The following KCND2 variants were observed in gnomAD, a reference collection of about 807,000 sequenced individuals.
The protein encoded by KCND2 is A-type voltage-gated potassium channel KCND2.
A neutral mutation model predicts 54.4 loss-of-function variants in KCND2; 16 were observed. The ratio of observed to expected loss-of-function variants is 0.29; its 90% confidence interval spans 0.20 to 0.45. KCND2 has a LOEUF of 0.45. Among genes scored for constraint, KCND2 ranks in the 20% least tolerant of loss-of-function variants. KCND2 has a pLI of 1.00. For synonymous variants in KCND2, 317 were observed against 310.7 expected, an observed-to-expected ratio of 1.02 and a Z score of -0.21; for missense variants, 486 against 824.2, an observed-to-expected ratio of 0.59 and a Z score of 5.02.
chr7:120,605,852 T>C (rs1792875466), intron 1 of KCND2, among the ~76,000 whole-genome samples: 1 of 152,228 alleles, frequency 6.6e-6, no homozygotes. Flanking sequence ...TAATTGGCCA[T>C]TTGTATTGAT....
rs189482684 is a variant in KCND2, at chr7:120,533,538, C to T, written c.1116-199365C>T. Among the ~76,000 whole-genome samples the T allele has an allele frequency of 9.9e-5, 15 of 152,170 alleles. No homozygotes were observed. The East Asian group carries it at 2.9e-3, about 29-fold the overall frequency. On this transcript the variant is annotated intron_variant, in intron 1 of 5. Transcript: ENST00000331113. Reference sequence around the variant, plus strand: ...CATCTGGCTCAGAGCTCTACATGCTCTTGTTAATGGTGGTACTGCTCTTAA... The same window carrying T: ...CATCTGGCTCAGAGCTCTACATGCTTTTGTTAATGGTGGTACTGCTCTTAA...
chr7:120,697,896 G>A (rs567624988), intron 1 of KCND2, among the ~76,000 whole-genome samples: 7 of 151,996 alleles, frequency 4.6e-5, no homozygotes, highest in Non-Finnish European at 8.8e-5. Flanking sequence ...TCACCCAATC[G>A]TGGTCATAGA....
At position 120,351,244 on chromosome 7, in the gene KCND2, G is replaced by GTGTATATA. The variant is rs376321316; in HGVS notation, c.1115+75498_1115+75499insGTATATAT. ...CATCATATTATATATTTATATGTGTGTATATATATATATATATATATATCC... is the reference window on the plus strand; with the variant it reads ...CATCATATTATATATTTATATGTGTGTGTATATATATATATATATATATATATATATCC... On this transcript the variant is annotated intron_variant, in intron 1 of 5. Transcript: ENST00000331113. Among the ~76,000 whole-genome samples, 942 of 137,340 alleles carry GTGTATATA rather than the reference G, an allele frequency of 6.9e-3. 14 individuals are homozygous for GTGTATATA. The highest frequency in any genetic ancestry group is 0.01 in the Non-Finnish European group (667 of 65,014). 90.1% of individuals were successfully genotyped at this position (137,340 alleles called of 152,430 possible). A position where few individuals can be genotyped will look rare whatever the true frequency, so the allele number is the denominator to read the frequency against.
At chr7:120,639,896 A>C (rs1161225676) in intron 1 of KCND2, among the ~76,000 whole-genome samples, 1 of 151,784 alleles carries the variant, frequency 6.6e-6, no homozygotes, top group Non-Finnish European at 1.5e-5. Flanking sequence ...CCCATTGTAC[A>C]TTTTCTATTT....
At chr7:120,310,135 A>C (rs1463775589) in intron 1 of KCND2, among the ~76,000 whole-genome samples, 2 of 152,180 alleles carry the variant, frequency 1.3e-5, no homozygotes, top group Admixed American at 1.3e-4. Context: ...CTCCTGAGAG[A>C]GGGGATGGGA....
chr7:120,477,292 T>TA (rs1369932429), intron 1 of KCND2, among the ~76,000 whole-genome samples: 1 of 152,118 alleles, frequency 6.6e-6, no homozygotes, highest in African/African-American at 2.4e-5. Flanking sequence ...CTTTGCGTGA[T>TA]AAAAATATGT....
At chr7:120,663,904 G>C (rs535521450) in intron 1 of KCND2, among the ~76,000 whole-genome samples, 2 of 152,124 alleles carry the variant, frequency 1.3e-5, no homozygotes, top group East Asian at 3.8e-4. Flanking sequence ...AGGCACATTA[G>C]AGTACTTGTG....
At chr7:120,703,420 A>T (rs1264283767) in intron 1 of KCND2, among the ~76,000 whole-genome samples, 1 of 152,194 alleles carries the variant, frequency 6.6e-6, no homozygotes, top group Non-Finnish European at 1.5e-5. Context: ...AACCCTATTG[A>T]GAATAATTAT....
intron 1 of KCND2, among the ~76,000 whole-genome samples, chr7:120,442,065 A>G (rs1480527570): frequency 6.6e-6 from 1 of 152,148 alleles, no homozygotes; most frequent in East Asian, 1.9e-4. Flanking sequence ...CAGAAACTAT[A>G]TTATTACAAC....
At chr7:120,373,335 TTCTTACTGGTATAA>T (rs566297728) in intron 1 of KCND2, among the ~76,000 whole-genome samples, 1 of 151,940 alleles carries the variant, frequency 6.6e-6, no homozygotes, top group African/African-American at 2.4e-5. Flanking sequence ...CTGCTGCTAT[TTCTTACTGGTATAA>T]ACTGGCACAA....
intron 1 of KCND2, among the ~76,000 whole-genome samples, chr7:120,646,939 C>G (rs1793449952): frequency 6.6e-6 from 1 of 152,122 alleles, no homozygotes; most frequent in Non-Finnish European, 1.5e-5. Context: ...GTCACTTGTT[C>G]TTAAACTTTC....
chr7:120,533,815 A>G (rs1382648594), intron 1 of KCND2, among the ~76,000 whole-genome samples: 1 of 152,074 alleles, frequency 6.6e-6, no homozygotes, highest in African/African-American at 2.4e-5. Flanking sequence ...CAATTACATA[A>G]TATTATTTTG....
chr7:120,487,928 C>T (rs986968319), intron 1 of KCND2, among the ~76,000 whole-genome samples: 4 of 152,006 alleles, frequency 2.6e-5, no homozygotes, highest in African/African-American at 9.7e-5. Flanking sequence ...TGCCTGTAAC[C>T]CTAGCACTTT....
At chr7:120,331,113 TAATC>T (rs1800061726) in intron 1 of KCND2, among the ~76,000 whole-genome samples, 1 of 152,174 alleles carries the variant, frequency 6.6e-6, no homozygotes, top group African/African-American at 2.4e-5. Flanking sequence ...TTCTGAAAGT[TAATC>T]AGTCATAATA....
At chr7:120,365,729 G>A (rs959764682) in intron 1 of KCND2, among the ~76,000 whole-genome samples, 1 of 152,090 alleles carries the variant, frequency 6.6e-6, no homozygotes, top group Admixed American at 6.6e-5. Flanking sequence ...GAAACTGAAA[G>A]ATGCACCTAC....
At chr7:120,509,968 A>G (rs1242901306) in intron 1 of KCND2, among the ~76,000 whole-genome samples, 1 of 152,052 alleles carries the variant, frequency 6.6e-6, no homozygotes, top group Non-Finnish European at 1.5e-5. Flanking sequence ...TCTCTACATC[A>G]TTGGACATCT....
intron 1 of KCND2, among the ~76,000 whole-genome samples, chr7:120,422,591 C>T (rs1801640863): frequency 6.6e-6 from 1 of 152,160 alleles, no homozygotes; most frequent in South Asian, 2.1e-4. Flanking sequence ...ACCATAATAT[C>T]CCCATCCTTT....
Position 120,398,015 on chromosome 7 carries a change from A to G in KCND2, c.1115+122268A>G, listed in dbSNP as rs867549967. The stretch of plus-strand genomic sequence containing the variant: ...TGTGTGTATATATATATATATATAT[A>G]TATATATATATATATATATATATTT... On this transcript the variant is annotated intron_variant, in intron 1 of 5. Transcript: ENST00000331113. Among the ~76,000 whole-genome samples, 800 of 133,354 alleles carry G rather than the reference A, an allele frequency of 6.0e-3. 8 individuals carry two copies. The highest frequency in any genetic ancestry group is 0.026 in the Middle Eastern group (7 of 268). The allele number at this position is 133,354 out of a possible 152,430, so 87.5% of individuals were successfully genotyped here. A position where few individuals can be genotyped will look rare whatever the true frequency, so the allele number is the denominator to read the frequency against.
At chr7:120,458,018 C>G (rs1802225051) in intron 1 of KCND2, among the ~76,000 whole-genome samples, 1 of 152,086 alleles carries the variant, frequency 6.6e-6, no homozygotes, top group South Asian at 2.1e-4. Flanking sequence ...AGGAGAAGTT[C>G]AGAGCAAAAG....
Sources: allele counts gnomAD v4.1 joint callset (sites outside exome capture counted in the v4.1 genomes callset), GRCh38; gene constraint gnomAD v4.1.1; transcripts MANE v1.5; gene names NCBI Gene and HGNC (gene_info 2026-07-23, HGNC 2026-07-21).